The following EXOSC10 variants were observed in gnomAD, a reference collection of about 807,000 sequenced individuals.
EXOSC10 encodes the protein exosome complex component 10.
Under a neutral mutation model 126.6 loss-of-function variants are expected in EXOSC10, and 94 were observed. That is an observed-to-expected ratio of 0.74 (90% CI 0.63 to 0.88). The LOEUF is 0.88. EXOSC10 is among the 40% of genes least tolerant of loss of function. The pLI is 0.00. For missense variants in EXOSC10, 1,041 were observed against 1,100.5 expected (o/e 0.95, Z 0.77); for synonymous variants, 395 against 400.8 (o/e 0.99, Z 0.17).
chr1:11,070,058 C>T (rs1349198132), intron 21 of EXOSC10, among the ~76,000 whole-genome samples: 2 of 151,630 alleles, frequency 1.3e-5, no homozygotes, highest in Non-Finnish European at 2.9e-5. Context: ...ATAGCAAGAC[C>T]CCTATCTCTA....
chr1:11,087,203 T>C (rs867340300), intron 9 of EXOSC10, among the ~76,000 whole-genome samples: 18 of 152,294 alleles, frequency 1.2e-4, no homozygotes, highest in South Asian at 2.1e-4. Context: ...ACAATCTTGA[T>C]GGCTGGGGCT....
Position 11,069,592 on chromosome 1 carries a change from C to T in EXOSC10, c.2455G>A (p.Asp819Asn), listed in dbSNP as rs150363329. ...EPPEKEFTPY[D>N]YSQSDFKAFA... ...GCCTTGAAGTCTGACTGGCTGTAGT[C>T]GTAAGGCGTAAACTCTTTTTCTGGT... Residue 819 changes from aspartate (D) to asparagine (N), a missense_variant, in exon 22 of 25, where the codon GAC (aspartate) becomes AAC (asparagine). Asp to Asn is a conservative substitution (Grantham distance 23). Coordinates refer to ENST00000376936, the MANE Select transcript of EXOSC10 (RefSeq NM_001001998.3). 152 of 1,613,790 alleles carry T rather than the reference C, an allele frequency of 9.4e-5. 1 individual carries two copies. The highest frequency in any genetic ancestry group is 1.1e-4 in the African/African-American group (8 of 74,826).
rs1246186883 is a variant in EXOSC10 at position 11,077,650 on chromosome 1, G to A, written c.1751C>T (p.Ser584Phe). 1 of 1,605,190 alleles carries A rather than the reference G, an allele frequency of 6.2e-7. No homozygotes were observed. The highest frequency in any genetic ancestry group is 8.5e-7 in the Non-Finnish European group (1 of 1,173,730). ...QQAREMPLLK[S>F]EVAAGVKKSG... Reference sequence around the variant, plus strand: ...CTTCTTCACTCCGGCTGCAACTTCAGACTAAGGAAAAAAACGAAGGGAATT... The same window carrying A: ...CTTCTTCACTCCGGCTGCAACTTCAAACTAAGGAAAAAAACGAAGGGAATT... The change falls in exon 15 of 25, where the codon TCT becomes TTT. Residue 584 changes from serine to phenylalanine, a missense_variant and splice_region_variant. Physicochemically the swap from Ser to Phe is radical, Grantham distance 155. Coordinates refer to ENST00000376936, the MANE Select transcript of EXOSC10 (RefSeq NM_001001998.3).
intron 3 of EXOSC10, among the ~76,000 whole-genome samples, chr1:11,093,438 G>A (rs1213348806): frequency 1.3e-5 from 2 of 152,204 alleles, no homozygotes; most frequent in Non-Finnish European, 2.9e-5. Context: ...GGCAGGACTT[G>A]AAATCACAAT....
chr1:11,090,896 C>T, intron 5 of EXOSC10, 118 bp downstream of exon 5: 2 of 1,101,944 alleles, frequency 1.8e-6, no homozygotes, highest in Non-Finnish European at 2.6e-6. Context: ...AACTGGGCTC[C>T]CTTTGAACAA....
intron 6 of EXOSC10, 67 bp from the exon 7 acceptor site, chr1:11,088,265 C>T (rs923564190): frequency 8.6e-7 from 1 of 1,157,382 alleles, no homozygotes; most frequent in Non-Finnish European, 1.3e-6. Context: ...AAAATAATGC[C>T]TTTTATCCAA....
rs368318709 is a variant in EXOSC10 at position 11,091,140 on chromosome 1, G to A, written c.517C>T (p.Arg173Trp). The A allele has an allele frequency of 2.4e-5, 39 of 1,614,080 alleles. No homozygotes were observed. Among genetic ancestry groups the A allele is most frequent in the Non-Finnish European group, 3.2e-5 (38 of 1,180,006 alleles). ...ATGATATTTTTTGCATGAAGCAGCC[G>A]GAAAGTTTCAGATTTTGCTTTTTTG... is the stretch of plus-strand genomic sequence containing the variant. ...YGKKAKSETF[R>W]LLHAKNIIRP... The change falls in exon 5 of 25, where the codon CGG (arginine) becomes TGG (tryptophan). Residue 173 changes from arginine (R) to tryptophan (W), a missense_variant. Arg to Trp is a moderately radical substitution (Grantham distance 101). This residue lies in a region of EXOSC10 where 645 missense variants were observed against 656.3 expected (regional missense o/e 0.98). Coordinates refer to ENST00000376936, the MANE Select transcript of EXOSC10 (RefSeq NM_001001998.3).
chr1:11,070,108 G>A (rs1049032407), intron 21 of EXOSC10, among the ~76,000 whole-genome samples: 3 of 151,762 alleles, frequency 2.0e-5, no homozygotes, highest in African/African-American at 7.3e-5. Flanking sequence ...ATGGTGGTGC[G>A]TGCTTGTAGT....
Position 11,084,526 on chromosome 1 carries a change from C to A in EXOSC10, c.1090-1648G>T, listed in dbSNP as rs184329910. ...TTCATTGTAGATTCTGCAAATTAGC[C>A]CTTTGTCAGATGAGTAGGTTGCGAA... is the stretch of plus-strand genomic sequence containing the variant. On this transcript the variant is annotated intron_variant, in intron 9 of 24. Transcript: ENST00000376936. Among the ~76,000 whole-genome samples the A allele has an allele frequency of 8.0e-3, 1,217 of 152,126 alleles. 24 individuals carry two copies. The highest frequency in any genetic ancestry group is 0.028 in the African/African-American group (1,150 of 41,460).
At chr1:11,094,603 CTTTTT>C (rs772853273) in intron 3 of EXOSC10, among the ~76,000 whole-genome samples, 1 of 128,044 alleles carries the variant, frequency 7.8e-6, no homozygotes, top group Non-Finnish European at 1.7e-5. Context: ...GCCAGGCCAC[CTTTTT>C]TTTTTTTTTT....
At chr1:11,097,366 A>C (rs1008019205) in intron 2 of EXOSC10, among the ~76,000 whole-genome samples, 3 of 151,252 alleles carry the variant, frequency 2.0e-5, no homozygotes, top group Non-Finnish European at 4.4e-5. Context: ...TGATGGAGCG[A>C]GACTCCATCT....
intron 8 of EXOSC10, 44 bp downstream of exon 8, chr1:11,087,756 A>G: frequency 6.5e-7 from 1 of 1,535,870 alleles, no homozygotes; most frequent in Non-Finnish European, 8.9e-7. Context: ...AGGTGAACTC[A>G]CAGAAAAATG....
chr1:11,067,310 T>G (rs1454730860), intron 24 of EXOSC10, among the ~76,000 whole-genome samples: 2 of 152,050 alleles, frequency 1.3e-5, no homozygotes, highest in African/African-American at 2.4e-5. Flanking sequence ...CGGGCGCCTG[T>G]GGTCCCAGCT....
rs774316078 is a variant in EXOSC10, at chr1:11,074,184, TA to T, written c.2082+46del. On this transcript the variant is annotated intron_variant, in intron 18 of 24. Coordinates refer to ENST00000376936, the MANE Select transcript of EXOSC10 (RefSeq NM_001001998.3). ...TCCCAGGTAAAAGCATGTACAGCTGTAGGCATCTCTGCATATCCTGTCAGCC... is the reference window on the plus strand; with the variant it reads ...TCCCAGGTAAAAGCATGTACAGCTGTGGCATCTCTGCATATCCTGTCAGCC... 2.0e-6 allele frequency: 3 copies of T among 1,482,724 alleles called. No individual in the cohort carries two copies. The East Asian group carries it at 6.8e-5, about 34-fold the overall frequency. 91.8% of individuals were successfully genotyped at this position (1,482,724 alleles called of 1,614,324 possible). A position where few individuals can be genotyped will look rare whatever the true frequency, so the allele number is the denominator to read the frequency against.
chr1:11,099,710 C>G lies in EXOSC10; in HGVS notation c.111+11G>C. The G allele has an allele frequency of 1.3e-6, 2 of 1,597,346 alleles. No homozygotes were observed. Among genetic ancestry groups the G allele is most frequent in the Non-Finnish European group, 1.7e-6 (2 of 1,170,862 alleles). ...GCGACTCCTGGTACCCCCGAGGCCCCGCGAACTCACCTTCACAAAGCTGTC... is the reference window on the plus strand; with the variant it reads ...GCGACTCCTGGTACCCCCGAGGCCCGGCGAACTCACCTTCACAAAGCTGTC... On this transcript the variant is annotated intron_variant, in intron 1 of 24. Coordinates refer to ENST00000376936, the MANE Select transcript of EXOSC10 (RefSeq NM_001001998.3).
At chr1:11,091,423 T>C (rs2273335) in intron 4 of EXOSC10, 70 bp downstream of exon 4, 52,053 of 1,334,278 alleles carry the variant, frequency 0.039, 1,876 homozygotes, top group East Asian at 0.14. Flanking sequence ...CAGAAATGCA[T>C]GTTAGAATGA....
At chr1:11,070,771 G>C in intron 21 of EXOSC10, 129 bp downstream of exon 21, 3 of 774,870 alleles carry the variant, frequency 3.9e-6, no homozygotes, top group South Asian at 3.5e-5. Flanking sequence ...GCCAAGCTAA[G>C]GTGAACCGGA....
At position 11,068,003 on chromosome 1, in the gene EXOSC10, C is replaced by T. The variant is rs373443162; in HGVS notation, c.2627+5G>A. 29 of 1,613,874 alleles carry T rather than the reference C, an allele frequency of 1.8e-5. No homozygotes were observed. The highest frequency in any genetic ancestry group is 2.4e-5 in the Non-Finnish European group (28 of 1,179,876). ...CCCTGGGCCACACCGCCGTCCACCA[C>T]ATACCTGTCTGACTTTCCAGTTGGA... is the stretch of plus-strand genomic sequence containing the variant. On this transcript the variant is annotated splice_donor_5th_base_variant and intron_variant, in intron 24 of 24. Coordinates refer to ENST00000376936, the MANE Select transcript of EXOSC10 (RefSeq NM_001001998.3).
chr1:11,083,418 C>T (rs532536637), intron 9 of EXOSC10, among the ~76,000 whole-genome samples: 18 of 151,898 alleles, frequency 1.2e-4, no homozygotes, highest in African/African-American at 3.1e-4. Context: ...AAAAATTAGC[C>T]GGGTGTGGTG....
Sources: allele counts gnomAD v4.1 joint callset (sites outside exome capture counted in the v4.1 genomes callset), GRCh38; gene constraint gnomAD v4.1.1; regional missense constraint gnomAD v4.1.1; transcripts MANE v1.5; gene names NCBI Gene and HGNC (gene_info 2026-07-23, HGNC 2026-07-21).